Variants in PRKN observed in about 807,000 individuals in gnomAD.
PRKN encodes parkin RBR E3 ubiquitin protein ligase, also known as E3 ubiquitin-protein ligase parkin.
PRKN carries 56 observed loss-of-function variants against 59.5 expected under a neutral mutation model. The ratio of observed to expected loss-of-function variants is 0.94; its 90% CI spans 0.76 to 1.18. The LOEUF is 1.18. Ranked by LOEUF, PRKN falls within the 50% of genes most tolerant of loss-of-function variation. The pLI, the probability that PRKN is intolerant of heterozygous loss-of-function variation, is 0.00. For synonymous variants in PRKN, 250 were observed against 222.1 expected, an observed-to-expected ratio of 1.13 and a Z score of -1.12; for missense variants, 657 against 596.4, an observed-to-expected ratio of 1.10 and a Z score of -1.06.
chr6:162,280,535 A>C (rs1420636731), intron 2 of PRKN, among the ~76,000 whole-genome samples: 1 of 152,138 alleles, frequency 6.6e-6, no homozygotes, highest in Non-Finnish European at 1.5e-5. Context: ...TCACTCCTCT[A>C]ATCCCAGCAC....
intron 4 of PRKN, among the ~76,000 whole-genome samples, chr6:162,111,262 G>A (rs1409784413): frequency 1.3e-5 from 2 of 152,014 alleles, no homozygotes; most frequent in East Asian, 3.9e-4. Context: ...TCAGGAGATC[G>A]AGACCATCCC....
Position 162,286,766 on chromosome 6 carries a change from A to T in PRKN, c.172-24001T>A, listed in dbSNP as rs945148146. 4.6e-5 allele frequency among the ~76,000 whole-genome samples: 7 copies of T among 152,304 alleles called. No homozygotes were observed. In the East Asian group the frequency reaches 1.4e-3, roughly 29 times the overall value. ...TATCTGGCCAAGTAGCTGGCGTTTA[A>T]ACAGATCAAGCATTTTACCTACATT... On this transcript the variant is annotated intron_variant, in intron 2 of 11. Coordinates refer to ENST00000366898, the MANE Select transcript of PRKN (RefSeq NM_004562.3).
intron 2 of PRKN, among the ~76,000 whole-genome samples, chr6:162,360,283 T>C (rs1310156668): frequency 6.6e-6 from 1 of 152,214 alleles, no homozygotes; most frequent in African/African-American, 2.4e-5. Context: ...ACTCACTTTT[T>C]TGAACTGCAG....
chr6:161,440,497 G>A lies in PRKN; in HGVS notation c.1084-53620C>T, dbSNP rs566179160. Among the ~76,000 whole-genome samples, 23 of 152,316 alleles carry A rather than the reference G, an allele frequency of 1.5e-4. No individual in the cohort carries two copies. Among genetic ancestry groups the A allele is most frequent in the African/African-American group, 4.8e-4 (20 of 41,566 alleles). On this transcript the variant is annotated intron_variant, in intron 9 of 11. Coordinates refer to ENST00000366898, the MANE Select transcript of PRKN (RefSeq NM_004562.3). This position sits in a 1 kb window ranked among gnomAD's most constrained non-coding sequence, Gnocchi z 4.1. ...ATTTCCCCATTGCTGCCTCTGGGAG[G>A]CTGCCTCTCGGGATAGATTGAATTG...
chr6:162,033,004 C>A (rs919132700), intron 5 of PRKN, among the ~76,000 whole-genome samples: 28 of 152,204 alleles, frequency 1.8e-4, no homozygotes, highest in Non-Finnish European at 3.8e-4. Context: ...TGGCTTTCCC[C>A]TAACCTGACA....
At chr6:161,865,106 A>G (rs949361023) in intron 6 of PRKN, among the ~76,000 whole-genome samples, 4 of 152,194 alleles carry the variant, frequency 2.6e-5, no homozygotes, top group African/African-American at 4.8e-5. Flanking sequence ...AACAACATTC[A>G]TGTCCTTGTA....
chr6:161,858,241 T>C (rs1237053096), intron 6 of PRKN, among the ~76,000 whole-genome samples: 2 of 152,216 alleles, frequency 1.3e-5, no homozygotes, highest in Non-Finnish European at 2.9e-5. Flanking sequence ...CCTATTCAGA[T>C]ACTATTATCA....
At chr6:162,422,761 A>G (rs962225388) in intron 2 of PRKN, among the ~76,000 whole-genome samples, 15 of 152,088 alleles carry the variant, frequency 9.9e-5, no homozygotes, top group Non-Finnish European at 2.2e-4. Context: ...CCCAGGCAAC[A>G]TGGTGAAACC....
chr6:162,498,578 T>C (rs1236260359), intron 1 of PRKN, among the ~76,000 whole-genome samples: 4 of 151,026 alleles, frequency 2.6e-5, no homozygotes, highest in African/African-American at 9.7e-5. Flanking sequence ...CCTGAGTAGC[T>C]GGGATTACAG....
intron 2 of PRKN, among the ~76,000 whole-genome samples, chr6:162,414,838 A>G (rs67759443): frequency 0.55 from 82,725 of 150,898 alleles, 23,627 homozygotes; most frequent in African/African-American, 0.71. Context: ...ACTGATTATC[A>G]TTGATGTCCA....
intron 1 of PRKN, among the ~76,000 whole-genome samples, chr6:162,720,496 T>G (rs911760087): frequency 1.0e-4 from 14 of 138,232 alleles, no homozygotes; most frequent in East Asian, 9.1e-4. Flanking sequence ...CAGGCCGGAC[T>G]GCGGACTGCA....
intron 7 of PRKN, among the ~76,000 whole-genome samples, chr6:161,764,528 C>A (rs1420887833): frequency 6.6e-6 from 1 of 152,062 alleles, no homozygotes; most frequent in Admixed American, 6.6e-5. Flanking sequence ...ACCAGATGCA[C>A]CATTTTTAAT....
intron 2 of PRKN, among the ~76,000 whole-genome samples, chr6:162,291,961 G>GT (rs10550090): frequency 1.3e-3 from 174 of 129,566 alleles, no homozygotes; most frequent in Non-Finnish European, 1.6e-3. Context: ...TATTATTATT[G>GT]TTTTTTTTTT....
intron 5 of PRKN, among the ~76,000 whole-genome samples, chr6:162,024,468 A>C (rs1357161181): frequency 6.6e-6 from 1 of 152,202 alleles, no homozygotes; most frequent in Non-Finnish European, 1.5e-5. Flanking sequence ...AAGTGCTGGG[A>C]TTATAGGCGT....
rs564432221 is a variant in PRKN, at chr6:161,848,235, T to G, written c.735-62327A>C. On this transcript the variant is annotated intron_variant, in intron 6 of 11. Transcript: ENST00000366898. Reference sequence around the variant, plus strand: ...TTGGGTCATTGTTTTGCATTAATGTTCATAGACAATTTTTCACCATTTATG... The same window carrying G: ...TTGGGTCATTGTTTTGCATTAATGTGCATAGACAATTTTTCACCATTTATG... Among the ~76,000 whole-genome samples the G allele has an allele frequency of 3.3e-5, 5 of 152,356 alleles. No individual in the cohort carries two copies. In the South Asian group the frequency reaches 1.0e-3, roughly 32 times the overall value.
At chr6:161,674,024 G>C (rs998175562) in intron 7 of PRKN, among the ~76,000 whole-genome samples, 3 of 152,096 alleles carry the variant, frequency 2.0e-5, no homozygotes, top group African/African-American at 4.8e-5. Flanking sequence ...TATACATTTT[G>C]GAATTATCAG....
intron 9 of PRKN, among the ~76,000 whole-genome samples, chr6:161,474,140 A>G (rs1418323793): frequency 6.6e-6 from 1 of 152,174 alleles, no homozygotes; most frequent in East Asian, 1.9e-4. Flanking sequence ...CTGTGGTGGC[A>G]TGGATTTGTA....
chr6:161,383,934 G>A (rs1786113335), intron 10 of PRKN, among the ~76,000 whole-genome samples: 1 of 152,176 alleles, frequency 6.6e-6, no homozygotes, highest in African/African-American at 2.4e-5. Flanking sequence ...TTTTTAGTTT[G>A]GCTGGTTGGT....
chr6:162,039,163 A>G (rs1007992360), intron 5 of PRKN, among the ~76,000 whole-genome samples: 2 of 152,136 alleles, frequency 1.3e-5, no homozygotes, highest in African/African-American at 2.4e-5. Context: ...CTCACAAAAA[A>G]AAAAAAAAGT....
Sources: gnomAD v4.1 joint callset for allele counts (sites outside exome capture counted in the v4.1 genomes callset) on GRCh38, gnomAD v4.1.1 for gene constraint, Gnocchi (gnomAD v3.1) non-coding constraint, MANE v1.5 for transcripts, NCBI Gene and HGNC (gene_info 2026-07-23, HGNC 2026-07-21) for gene names.